RYR3: variants seen among roughly 807,000 people sequenced by gnomAD.
RYR3 encodes ryanodine receptor 3, also known as brain ryanodine receptor-calcium release channel.
A neutral mutation model predicts 584.3 loss-of-function variants in RYR3; 207 were observed. The observed-to-expected ratio is 0.35, with a 90% CI of 0.32 to 0.40. RYR3 has a LOEUF of 0.40. Ranked by LOEUF, RYR3 falls within the 10% of genes least tolerant of loss-of-function variation. The pLI is 1.00. For missense variants in RYR3, 5,616 were observed against 6,089.2 expected (o/e 0.92, Z 2.59); for synonymous variants, 2,416 against 2,248.5 (o/e 1.07, Z -2.11).
chr15:33,406,811 G>C (rs1051540523), intron 1 of RYR3, among the ~76,000 whole-genome samples: 1 of 152,186 alleles, frequency 6.6e-6, no homozygotes, highest in Non-Finnish European at 1.5e-5. Flanking sequence ...CCAGATCCTA[G>C]TCTAGATTCT....
At chr15:33,325,866 A>G (rs1189744040) in intron 1 of RYR3, among the ~76,000 whole-genome samples, 3 of 151,680 alleles carry the variant, frequency 2.0e-5, no homozygotes, top group Admixed American at 6.6e-5. Flanking sequence ...CAGTGGCACA[A>G]TCATGCCCCA....
chr15:33,780,961 A>G (rs1262219408), intron 65 of RYR3, among the ~76,000 whole-genome samples: 1 of 152,236 alleles, frequency 6.6e-6, no homozygotes, highest in Non-Finnish European at 1.5e-5. Flanking sequence ...TTATTTGAAC[A>G]CAACCACACC....
At chr15:33,352,457 A>C (rs1973409298) in intron 1 of RYR3, among the ~76,000 whole-genome samples, 1 of 152,012 alleles carries the variant, frequency 6.6e-6, no homozygotes, top group South Asian at 2.1e-4. Flanking sequence ...ATTGATAACC[A>C]CTGGTCTAGA....
At chr15:33,514,051 T>TA (rs922279601) in intron 3 of RYR3, among the ~76,000 whole-genome samples, 29 of 152,124 alleles carry the variant, frequency 1.9e-4, no homozygotes, top group African/African-American at 6.0e-4. Context: ...TGTTTTGGTT[T>TA]AAAAAAATGC....
chr15:33,433,043 A>T (rs2045338062), intron 1 of RYR3, among the ~76,000 whole-genome samples: 1 of 152,078 alleles, frequency 6.6e-6, no homozygotes, highest in South Asian at 2.1e-4. Flanking sequence ...GCCTATATTG[A>T]CCTTTTCCCT....
chr15:33,853,925 G>A (rs1295182428), intron 96 of RYR3, among the ~76,000 whole-genome samples: 1 of 152,118 alleles, frequency 6.6e-6, no homozygotes, highest in African/African-American at 2.4e-5. Context: ...TGGGCGCAGT[G>A]GCTCATACCT....
At chr15:33,471,033 G>C (rs543700405) in intron 1 of RYR3, among the ~76,000 whole-genome samples, 9 of 152,300 alleles carry the variant, frequency 5.9e-5, no homozygotes, top group Admixed American at 3.3e-4. Flanking sequence ...AATCAGATGG[G>C]TTGAATTAAC....
chr15:33,321,263 C>T (rs1045184182), intron 1 of RYR3, among the ~76,000 whole-genome samples: 1 of 152,180 alleles, frequency 6.6e-6, no homozygotes, highest in African/African-American at 2.4e-5. Flanking sequence ...GGTCATCCTG[C>T]TGTAAGGATC....
chr15:33,568,802 T>C (rs953624152), intron 12 of RYR3, among the ~76,000 whole-genome samples: 1 of 152,220 alleles, frequency 6.6e-6, no homozygotes, highest in Non-Finnish European at 1.5e-5. Flanking sequence ...TTAGAACATT[T>C]CCATCACTCC....
intron 95 of RYR3, 68 bp downstream of exon 95, chr15:33,853,155 C>A: frequency 7.7e-7 from 1 of 1,303,164 alleles, no homozygotes; most frequent in Non-Finnish European, 1.1e-6. Context: ...TTTAAGTTCT[C>A]CACATACAAA....
chr15:33,331,379 A>C (rs568073256), intron 1 of RYR3, among the ~76,000 whole-genome samples: 22 of 152,260 alleles, frequency 1.4e-4, no homozygotes, highest in African/African-American at 5.1e-4. Context: ...ATGTTCTTAT[A>C]AGGTAGATCA....
intron 10 of RYR3, among the ~76,000 whole-genome samples, chr15:33,555,554 A>G (rs1456984346): frequency 1.3e-5 from 2 of 152,234 alleles, no homozygotes; most frequent in African/African-American, 2.4e-5. Flanking sequence ...TTCGAAGTGG[A>G]AGAAGCCTGG....
At chr15:33,788,144 C>A in intron 66 of RYR3, 74 bp from the exon 67 acceptor site, 2 of 1,589,542 alleles carry the variant, frequency 1.3e-6, no homozygotes, top group Admixed American at 1.7e-5. Flanking sequence ...ACGGCCTCAC[C>A]TTTCAGTCAT....
intron 26 of RYR3, 40 bp from the exon 27 acceptor site, chr15:33,636,336 G>A (rs753654619): frequency 7.6e-6 from 12 of 1,587,128 alleles, no homozygotes; most frequent in Non-Finnish European, 9.5e-6. Context: ...GGGGCCTCTA[G>A]AGACTCCATT....
chr15:33,555,605 G>A (rs967936584), intron 10 of RYR3, among the ~76,000 whole-genome samples: 2 of 152,114 alleles, frequency 1.3e-5, no homozygotes, highest in Non-Finnish European at 2.9e-5. Context: ...CATATGTTTT[G>A]TAAAAAATAG....
chr15:33,854,997 G>A, intron 98 of RYR3, 85 bp downstream of exon 98: 3 of 1,298,136 alleles, frequency 2.3e-6, no homozygotes, highest in East Asian at 2.6e-5. Context: ...GTATATGACA[G>A]GAAGGAATAT....
chr15:33,472,030 G>C (rs1230499182), intron 1 of RYR3, among the ~76,000 whole-genome samples: 1 of 152,130 alleles, frequency 6.6e-6, no homozygotes, highest in Non-Finnish European at 1.5e-5. Flanking sequence ...TGATATTCTG[G>C]AGTTTTCTTC....
rs373336582 is a variant in RYR3, at chr15:33,660,466, A to T, written c.4622+43A>T. On this transcript the variant is annotated intron_variant, in intron 34 of 103. Transcript: ENST00000634891. ...GAAGGAAGGGGCAGGCCTGAGGGGC[A>T]GGTGAGGCAGAGCCAAGCCAGCCCA... 4.3e-6 allele frequency: 6 copies of T among 1,393,746 alleles called. No individual in the cohort carries two copies. The African/African-American group carries it at 8.6e-5, about 20-fold the overall frequency. The allele number at this position is 1,393,746 out of a possible 1,614,324, so 86.3% of individuals were successfully genotyped here. A position where few individuals can be genotyped will look rare whatever the true frequency, so the allele number is the denominator to read the frequency against.
At chr15:33,553,675 A>G (rs1025578) in intron 10 of RYR3, among the ~76,000 whole-genome samples, 108,158 of 151,988 alleles carry the variant, frequency 0.71, 40,096 homozygotes, top group Middle Eastern at 0.86. Flanking sequence ...CAAATTGGAG[A>G]GCTAGGATGT....
Sources: gnomAD v4.1 joint callset for allele counts (sites outside exome capture counted in the v4.1 genomes callset) on GRCh38, gnomAD v4.1.1 for gene constraint, MANE v1.5 for transcripts, NCBI Gene and HGNC (gene_info 2026-07-23, HGNC 2026-07-21) for gene names.